Variants in ZSWIM7 observed in about 807,000 individuals in gnomAD.
ZSWIM7 encodes zinc finger SWIM domain-containing protein 7.
A neutral mutation model predicts 21.1 loss-of-function variants in ZSWIM7; 22 were observed. The ratio of observed to expected loss-of-function variants is 1.04; its 90% CI spans 0.74 to 1.49. ZSWIM7 has a LOEUF of 1.49. Among genes scored for constraint, ZSWIM7 ranks in the 40% most tolerant of loss-of-function variants. The pLI, the probability that ZSWIM7 is intolerant of heterozygous loss-of-function variation, is 0.00. For synonymous variants in ZSWIM7, 67 were observed against 66.5 expected (o/e 1.01, Z -0.04); for missense variants, 193 against 168.0 (o/e 1.15, Z -0.82).
At position 15,999,544 on chromosome 17, in the gene ZSWIM7, C is replaced by G. The variant is rs774081403; in HGVS notation, c.51G>C (p.Ala17=). ...TTCGCGCGCTCTCCTGCACCGCCGC[C>G]GCCATCTCGCTCAGGAGCTCCTCCA... ...AVVEELLSEM[A]AAVQESARIP... is the part of the protein sequence containing the mutation. The change falls in exon 1 of 5, where the codon GCG becomes GCC. Residue 17 remains alanine, a synonymous_variant. Transcript: ENST00000399277. The G allele has an allele frequency of 2.5e-6, 4 of 1,599,420 alleles. No individual in the cohort carries two copies. Among genetic ancestry groups the G allele is most frequent in the Non-Finnish European group, 3.4e-6 (4 of 1,175,304 alleles).
At chr17:15,997,825 G>C (rs1325377437) in intron 1 of ZSWIM7, among the ~76,000 whole-genome samples, 2 of 152,232 alleles carry the variant, frequency 1.3e-5, no homozygotes, top group East Asian at 3.9e-4. Flanking sequence ...AAAACTGGCT[G>C]GGCACGGTGG....
chr17:15,982,214 C>T (rs537824630), intron 3 of ZSWIM7, among the ~76,000 whole-genome samples: 3 of 151,998 alleles, frequency 2.0e-5, no homozygotes, highest in African/African-American at 7.3e-5. Flanking sequence ...AGTATGATCG[C>T]ACAAATTTGC....
intron 3 of ZSWIM7, 101 bp downstream of exon 3, chr17:15,987,165 T>G: frequency 1.0e-6 from 1 of 969,030 alleles, no homozygotes; most frequent in Non-Finnish European, 1.5e-6. Context: ...CTTTTAACAG[T>G]CCAGGAAATA....
At chr17:15,982,603 T>C (rs540566830) in intron 3 of ZSWIM7, among the ~76,000 whole-genome samples, 232 of 152,334 alleles carry the variant, frequency 1.5e-3, no homozygotes, top group Non-Finnish European at 2.2e-3. Context: ...ACATTTTCAG[T>C]GGTTCATATA....
At chr17:15,993,152 G>A (rs1220981353) in intron 2 of ZSWIM7, among the ~76,000 whole-genome samples, 1 of 151,736 alleles carries the variant, frequency 6.6e-6, no homozygotes, top group African/African-American at 2.4e-5. Flanking sequence ...TGCTGGGATT[G>A]CAGGTGTGAG....
At chr17:15,993,847 A>G in intron 1 of ZSWIM7, 69 bp from the exon 2 acceptor site, 1 of 1,221,420 alleles carries the variant, frequency 8.2e-7, no homozygotes. Flanking sequence ...AAAATCTTAA[A>G]AAACACTGTA....
chr17:15,987,798 C>A (rs1249081311), intron 2 of ZSWIM7, among the ~76,000 whole-genome samples: 1 of 152,046 alleles, frequency 6.6e-6, no homozygotes, highest in Non-Finnish European at 1.5e-5. Flanking sequence ...TTAGTAGAAA[C>A]AGGGTTTCTC....
chr17:15,991,909 T>G (rs1318937851), intron 2 of ZSWIM7, among the ~76,000 whole-genome samples: 4 of 100,524 alleles, frequency 4.0e-5, no homozygotes, highest in Non-Finnish European at 8.4e-5. Context: ...GTTTTGTTTT[T>G]TTTTGTTTGT....
chr17:15,991,298 AAAC>A (rs1970479363), intron 2 of ZSWIM7, among the ~76,000 whole-genome samples: 1 of 152,132 alleles, frequency 6.6e-6, no homozygotes. Flanking sequence ...TTGCTACCAT[AAAC>A]AATACTGGAT....
intron 3 of ZSWIM7, among the ~76,000 whole-genome samples, chr17:15,986,518 TGGGAGGCTGAAGGGGGAGGACTGCTTG>T (rs1970413035): frequency 6.6e-6 from 1 of 151,546 alleles, no homozygotes; most frequent in South Asian, 2.1e-4. Flanking sequence ...CCTAGCACTT[TGGGAGGCTGAAGGGGGAGGACTGCTTG>T]AGGCCAGGAG....
chr17:15,993,618 G>A, intron 2 of ZSWIM7, 139 bp downstream of exon 2: 1 of 603,350 alleles, frequency 1.7e-6, no homozygotes. Flanking sequence ...CACTCACCTT[G>A]GCCTCCCAAA....
At chr17:15,994,178 C>A (rs1256029404) in intron 1 of ZSWIM7, among the ~76,000 whole-genome samples, 11 of 152,204 alleles carry the variant, frequency 7.2e-5, no homozygotes. Flanking sequence ...GTCTTGAACT[C>A]CTCACCTCAA....
intron 4 of ZSWIM7, 118 bp from the exon 5 acceptor site, chr17:15,978,281 G>A (rs1338729350): frequency 1.1e-5 from 8 of 749,274 alleles, no homozygotes; most frequent in Admixed American, 3.9e-5. Context: ...TACAGATTAC[G>A]GGGTCTCTAA....
chr17:15,985,350 C>T (rs948941518), intron 3 of ZSWIM7, among the ~76,000 whole-genome samples: 3 of 150,216 alleles, frequency 2.0e-5, no homozygotes, highest in Admixed American at 2.0e-4. Context: ...GTGTCAGCAA[C>T]ATAACAATGA....
chr17:15,985,329 AAAC>A (rs1248960949), intron 3 of ZSWIM7, among the ~76,000 whole-genome samples: 4 of 152,080 alleles, frequency 2.6e-5, no homozygotes, highest in African/African-American at 4.8e-5. Flanking sequence ...AAATTATAGA[AAAC>A]AACTCAGGTG....
chr17:15,999,269 C>T (rs2151637436), intron 1 of ZSWIM7: 2 of 619,530 alleles, frequency 3.2e-6, no homozygotes, highest in East Asian at 5.7e-5. Context: ...CCTACTCGCT[C>T]CGACGGAGGG....
intron 4 of ZSWIM7, among the ~76,000 whole-genome samples, chr17:15,978,852 G>A (rs1393498848): frequency 6.6e-6 from 1 of 152,020 alleles, no homozygotes; most frequent in East Asian, 1.9e-4. Flanking sequence ...AGGCTGTGAA[G>A]TGCTTCTCAT....
chr17:15,983,213 C>T (rs181835067), intron 3 of ZSWIM7, among the ~76,000 whole-genome samples: 5 of 151,568 alleles, frequency 3.3e-5, no homozygotes, highest in East Asian at 3.9e-4. Flanking sequence ...GGTGTGGTGG[C>T]GGGTGCCTGT....
rs936039654 is a variant in ZSWIM7 at position 15,977,938 on chromosome 17, T to G, written c.*109A>C. The G allele has an allele frequency of 8.9e-6, 8 of 903,890 alleles. No homozygotes were observed. In the African/African-American group the frequency reaches 1.1e-4, roughly 13 times the overall value. The allele number at this position is 903,890 out of a possible 1,614,324, so 56.0% of individuals were successfully genotyped here. On this transcript the variant is annotated 3_prime_UTR_variant, in exon 5 of 5. Transcript: ENST00000399277. ...CCTGGAGGGAAAAGGGACAGTAACA[T>G]GAAGTGTCTGAAGATCCATTTCACC...
Sources: allele counts gnomAD v4.1 joint callset (sites outside exome capture counted in the v4.1 genomes callset), GRCh38; gene constraint gnomAD v4.1.1; transcripts MANE v1.5; gene names NCBI Gene and HGNC (gene_info 2026-07-23, HGNC 2026-07-21).